Variants in CSMD1 observed in about 807,000 individuals in gnomAD.
The protein encoded by CSMD1 is CUB and Sushi multiple domains 1.
In CSMD1, 213 loss-of-function variants were observed where a neutral mutation model predicts 417.5. That is an observed-to-expected ratio of 0.51 (90% CI 0.46 to 0.57). The LOEUF (loss-of-function observed/expected upper bound fraction) is 0.57. Ranked by LOEUF, CSMD1 falls within the 20% of genes least tolerant of loss-of-function variation. CSMD1 has a pLI of 0.00. For synonymous variants in CSMD1, 2,862 were observed against 1,736.8 expected (o/e 1.65, Z -16.11); for missense variants, 6,923 against 4,529.7 (o/e 1.53, Z -15.17).
chr8:3,236,338 A>T (rs1799154550), intron 26 of CSMD1, among the ~76,000 whole-genome samples: 1 of 152,208 alleles, frequency 6.6e-6, no homozygotes, highest in Non-Finnish European at 1.5e-5. Context: ...CTTAAGTTTA[A>T]ACAAACCCCC....
At chr8:4,311,392 T>C (rs1369291272) in intron 3 of CSMD1, among the ~76,000 whole-genome samples, 1 of 152,132 alleles carries the variant, frequency 6.6e-6, no homozygotes, top group African/African-American at 2.4e-5. Context: ...GGCAAACTAA[T>C]GCAGGAACAG....
chr8:4,359,220 G>C (rs1208317513), intron 3 of CSMD1, among the ~76,000 whole-genome samples: 2 of 152,176 alleles, frequency 1.3e-5, no homozygotes, highest in African/African-American at 2.4e-5. Context: ...ATTATCTGTA[G>C]AGAGGGGTGT....
At position 3,766,558 on chromosome 8, in the gene CSMD1, G is replaced by A. The variant is rs979742343; in HGVS notation, c.819-12516C>T. Among the ~76,000 whole-genome samples, 5 of 151,860 alleles carry A rather than the reference G, an allele frequency of 3.3e-5. No homozygotes were observed. The South Asian group carries it at 1.0e-3, about 32-fold the overall frequency. ...CAGGGAGCAGTCGGCACTGGCAATG[G>A]ATATCCATATCATATTTTGACTATC... On this transcript the variant is annotated intron_variant, in intron 5 of 69. Coordinates refer to ENST00000635120, the MANE Select transcript of CSMD1 (RefSeq NM_033225.6).
intron 3 of CSMD1, among the ~76,000 whole-genome samples, chr8:4,349,128 T>C (rs943522877): frequency 6.6e-6 from 1 of 152,216 alleles, no homozygotes; most frequent in Non-Finnish European, 1.5e-5. Context: ...TAAAATTCAG[T>C]CTGAATCCGA....
At chr8:3,361,775 T>A (rs1809199754) in intron 20 of CSMD1, among the ~76,000 whole-genome samples, 1 of 152,138 alleles carries the variant, frequency 6.6e-6, no homozygotes, top group Non-Finnish European at 1.5e-5. Context: ...GGTTCTTTGC[T>A]TTAAGTATAT....
intron 3 of CSMD1, among the ~76,000 whole-genome samples, chr8:4,336,210 G>C (rs182268037): frequency 6.6e-6 from 1 of 152,178 alleles, no homozygotes; most frequent in Non-Finnish European, 1.5e-5. Context: ...AATGCAGGTA[G>C]TATGAATGCA....
At chr8:4,749,690 G>A (rs1811180238) in intron 1 of CSMD1, among the ~76,000 whole-genome samples, 1 of 151,950 alleles carries the variant, frequency 6.6e-6, no homozygotes, top group Non-Finnish European at 1.5e-5. Context: ...TACCAAGTTA[G>A]CAATTTCAAC....
intron 3 of CSMD1, among the ~76,000 whole-genome samples, chr8:4,365,238 G>C (rs1247923157): frequency 6.6e-6 from 1 of 152,164 alleles, no homozygotes; most frequent in Non-Finnish European, 1.5e-5. Context: ...TAATGCTTAA[G>C]TAGTTTGGAA....
intron 6 of CSMD1, among the ~76,000 whole-genome samples, chr8:3,732,619 T>C (rs912900630): frequency 6.6e-6 from 1 of 152,188 alleles, no homozygotes; most frequent in African/African-American, 2.4e-5. Flanking sequence ...ACCCTTGCCT[T>C]TAAGACCTTT....
At chr8:4,809,941 T>TCTTC (rs1293609471) in intron 1 of CSMD1, among the ~76,000 whole-genome samples, 1 of 152,222 alleles carries the variant, frequency 6.6e-6, no homozygotes, top group African/African-American at 2.4e-5. Flanking sequence ...TAAATCAGTT[T>TCTTC]CTTCACCTGT....
At chr8:3,830,710 CCTG>C (rs1199696577) in intron 5 of CSMD1, among the ~76,000 whole-genome samples, 11 of 152,140 alleles carry the variant, frequency 7.2e-5, no homozygotes, top group East Asian at 1.9e-4. Flanking sequence ...TCCTCCCAGA[CCTG>C]CTGAACTTTG....
At chr8:4,130,409 C>T (rs1803027946) in intron 3 of CSMD1, among the ~76,000 whole-genome samples, 1 of 152,122 alleles carries the variant, frequency 6.6e-6, no homozygotes, top group Non-Finnish European at 1.5e-5. Context: ...AACTTTTTTA[C>T]TCTGCCTCAC....
At position 4,461,539 on chromosome 8, in the gene CSMD1, AT is replaced by A. The variant is rs200217845; in HGVS notation, c.303-41475del. Among the ~76,000 whole-genome samples the A allele has an allele frequency of 4.0e-3, 212 of 53,572 alleles. 4 individuals carry two copies. The East Asian group carries it at 0.091, about 23-fold the overall frequency. 35.1% of individuals were successfully genotyped at this position (53,572 alleles called of 152,430 possible). On this transcript the variant is annotated intron_variant, in intron 2 of 69. Coordinates refer to ENST00000635120, the MANE Select transcript of CSMD1 (RefSeq NM_033225.6). ...AGAAGATGAATATGCAAAAATCCAT[AT>A]TTTTTTTTGGTGGGTGGGGGTGGGG...
intron 1 of CSMD1, among the ~76,000 whole-genome samples, chr8:4,688,930 A>T (rs1806579665): frequency 6.6e-6 from 1 of 152,198 alleles, no homozygotes; most frequent in South Asian, 2.1e-4. Flanking sequence ...CCATTAAAGC[A>T]TTCACTTTCT....
chr8:3,479,217 G>A (rs116718204), intron 11 of CSMD1, among the ~76,000 whole-genome samples: 1 of 152,126 alleles, frequency 6.6e-6, no homozygotes, highest in South Asian at 2.1e-4. Context: ...GCCTAAACAA[G>A]GTACTTGCTT....
chr8:3,193,486 C>T (rs1796534376), intron 33 of CSMD1, among the ~76,000 whole-genome samples: 1 of 152,070 alleles, frequency 6.6e-6, no homozygotes, highest in Non-Finnish European at 1.5e-5. Flanking sequence ...GGAAATCAGA[C>T]AGTGCTGTGT....
chr8:3,329,169 C>T (rs943833193), intron 23 of CSMD1, among the ~76,000 whole-genome samples: 7 of 152,066 alleles, frequency 4.6e-5, no homozygotes, highest in African/African-American at 1.7e-4. Flanking sequence ...CCATAGCACT[C>T]AAGAGGGCAT....
chr8:3,640,777 G>T (rs930351025), intron 7 of CSMD1, among the ~76,000 whole-genome samples: 1 of 152,144 alleles, frequency 6.6e-6, no homozygotes, highest in African/African-American at 2.4e-5. Flanking sequence ...CACAGCCCCT[G>T]TGTGGGGAAG....
intron 7 of CSMD1, among the ~76,000 whole-genome samples, chr8:3,701,715 A>T (rs1800881306): frequency 6.6e-6 from 1 of 152,210 alleles, no homozygotes; most frequent in African/African-American, 2.4e-5. Context: ...TACAAAAGAC[A>T]ATCCAAACAC....
Sources: allele counts gnomAD v4.1 joint callset (sites outside exome capture counted in the v4.1 genomes callset), GRCh38; gene constraint gnomAD v4.1.1; transcripts MANE v1.5; gene names NCBI Gene and HGNC (gene_info 2026-07-23, HGNC 2026-07-21).